The following CNNM2 variants were observed in gnomAD, a reference collection of about 807,000 sequenced individuals.
CNNM2 encodes cyclin and CBS domain divalent metal cation transport mediator 2, also known as metal transporter CNNM2.
CNNM2 carries 12 observed loss-of-function variants against 66.9 expected under a neutral mutation model. The observed-to-expected ratio is 0.18, with a 90% CI of 0.11 to 0.29. The LOEUF (loss-of-function observed/expected upper bound fraction) is 0.29. Among genes scored for constraint, CNNM2 ranks in the 10% least tolerant of loss-of-function variants. The probability of loss-of-function intolerance (pLI) is 1.00; values close to 1 mark genes in which losing one functional copy is unlikely to be tolerated. For missense variants in CNNM2, 705 were observed against 1,167.7 expected (o/e 0.60, Z 5.77); for synonymous variants, 557 against 501.8 (o/e 1.11, Z -1.47).
chr10:103,062,347 G>A (rs1430362479), intron 4 of CNNM2, among the ~76,000 whole-genome samples: 1 of 152,130 alleles, frequency 6.6e-6, no homozygotes, highest in Non-Finnish European at 1.5e-5. Context: ...TGATAGGAAG[G>A]AGAATTTAAG....
rs113554404 is a variant in CNNM2, at chr10:103,006,363, C to T, written c.1622-43344C>T. Among the ~76,000 whole-genome samples the T allele has an allele frequency of 0.095, 14,405 of 151,676 alleles. 886 individuals carry two copies. The highest frequency in any genetic ancestry group is 0.28 in the East Asian group (1,430 of 5,126). On this transcript the variant is annotated intron_variant, in intron 1 of 7. Transcript: ENST00000369878. ...CTGGGATTATAGGCACCTGCTGCCA[C>T]GCCCAGCTAATTTTTGTATTATTGG...
At chr10:102,928,448 G>T (rs375169005) in intron 1 of CNNM2, among the ~76,000 whole-genome samples, 13 of 152,094 alleles carry the variant, frequency 8.5e-5, no homozygotes, top group Admixed American at 2.6e-4. Context: ...CAGCTGTGGT[G>T]GTGGGCGCCT....
In CNNM2 at chr10:103,077,155, G is replaced by T. The variant is rs776439020; in HGVS notation, c.2603G>T (p.Ser868Ile). The T allele has an allele frequency of 1.9e-6, 3 of 1,613,572 alleles. No homozygotes were observed. Among genetic ancestry groups the T allele is most frequent in the Non-Finnish European group, 2.5e-6 (3 of 1,179,892 alleles). ...NCVTHSKANH[S>I]LHNEGAI ...GTGACGCACAGTAAGGCCAACCACA[G>T]CCTGCACAACGAAGGCGCCATCTAG... is the stretch of plus-strand genomic sequence containing the variant. The change falls in exon 8 of 8, where the codon AGC becomes ATC. Residue 868 changes from serine to isoleucine, a missense_variant. Physicochemically the swap from Ser to Ile is moderately radical, Grantham distance 142. Around this residue, in one of 9 missense-constraint regions of CNNM2, gnomAD observed 194 missense variants for 227.6 expected, o/e 0.85. Transcript: ENST00000369878.
chr10:103,038,364 T>C (rs1338438533), intron 1 of CNNM2, among the ~76,000 whole-genome samples: 2 of 152,226 alleles, frequency 1.3e-5, no homozygotes, highest in African/African-American at 2.4e-5. Context: ...GGCTGCTGCA[T>C]GCACTGTGCC....
chr10:103,041,409 A>C (rs2065038926), intron 1 of CNNM2, among the ~76,000 whole-genome samples: 1 of 152,198 alleles, frequency 6.6e-6, no homozygotes, highest in African/African-American at 2.4e-5. Context: ...TTGGAAATCT[A>C]ATGGTGTCAT....
At chr10:103,058,308 G>T (rs1349275236) in intron 4 of CNNM2, among the ~76,000 whole-genome samples, 1 of 152,042 alleles carries the variant, frequency 6.6e-6, no homozygotes, top group Non-Finnish European at 1.5e-5. Context: ...CTGCAGTGAG[G>T]GAATAAAACA....
chr10:102,933,325 C>T (rs1161121580), intron 1 of CNNM2, among the ~76,000 whole-genome samples: 1 of 152,176 alleles, frequency 6.6e-6, no homozygotes, highest in Non-Finnish European at 1.5e-5. Context: ...TTGTAGTTTT[C>T]AGTGTGCTTG....
At chr10:102,976,611 ATTT>A (rs66498944) in intron 1 of CNNM2, among the ~76,000 whole-genome samples, 49 of 59,436 alleles carry the variant, frequency 8.2e-4, no homozygotes, top group African/African-American at 2.8e-3. Flanking sequence ...CGCCCAGGTA[ATTT>A]TTTTTTTTTT....
At position 103,087,356 on chromosome 10, in the gene CNNM2, C is replaced by G. The variant is rs892705188; in HGVS notation, c.*10176C>G. ...CATTTTGCTCTGGGTCTTATGGAAT[C>G]CTAGAGCTCTTGAATACGTTTTGGT... is the stretch of plus-strand genomic sequence containing the variant. On this transcript the variant is annotated 3_prime_UTR_variant, in exon 8 of 8. Coordinates refer to ENST00000369878, the MANE Select transcript of CNNM2 (RefSeq NM_017649.5). 6.6e-6 allele frequency: 1 copy of G among 151,844 alleles called. No homozygotes were observed. Among genetic ancestry groups the G allele is most frequent in the African/African-American group, 2.4e-5 (1 of 41,300 alleles). 9.4% of individuals were successfully genotyped at this position (151,844 alleles called of 1,614,324 possible).
chr10:103,064,769 G>A (rs1189443056), intron 4 of CNNM2, among the ~76,000 whole-genome samples: 1 of 152,174 alleles, frequency 6.6e-6, no homozygotes, highest in Non-Finnish European at 1.5e-5. Context: ...GAGCTCAGGA[G>A]TTCAAGGCTG....
rs559377555 is a variant in CNNM2, at chr10:103,000,523, G to A, written c.1622-49184G>A. On this transcript the variant is annotated intron_variant, in intron 1 of 7. Transcript: ENST00000369878. The stretch of plus-strand genomic sequence containing the variant: ...GGATGGAGTGCAGTGGTGCAATCTC[G>A]GCTCACTACAGCCTCGGCCTCCTGG... Among the ~76,000 whole-genome samples, 10 of 151,762 alleles carry A rather than the reference G, an allele frequency of 6.6e-5. No homozygotes were observed. The South Asian group carries it at 1.0e-3, about 16-fold the overall frequency.
chr10:102,985,740 A>G (rs754480327), intron 1 of CNNM2, among the ~76,000 whole-genome samples: 2 of 152,202 alleles, frequency 1.3e-5, no homozygotes, highest in Non-Finnish European at 2.9e-5. Flanking sequence ...TTGATAGAAT[A>G]GCTGTCTTTT....
rs940999722 is a variant in CNNM2 at position 102,959,173 on chromosome 10, G to A, written c.1621+39072G>A. On this transcript the variant is annotated intron_variant, in intron 1 of 7. Transcript: ENST00000369878. ...TGGTCTCAAACTCCTGGGCTCAAGC[G>A]ATCACCCGCCTTAGTCTCCCAAAGT... is the stretch of plus-strand genomic sequence containing the variant. Among the ~76,000 whole-genome samples, 5 of 151,460 alleles carry A rather than the reference G, an allele frequency of 3.3e-5. No homozygotes were observed. The East Asian group carries it at 5.9e-4, about 18-fold the overall frequency.
Position 103,034,392 on chromosome 10 carries a change from C to T in CNNM2, c.1622-15315C>T, listed in dbSNP as rs147150101. 4.0e-4 allele frequency among the ~76,000 whole-genome samples: 61 copies of T among 151,818 alleles called. 1 individual carries two copies. The highest frequency in any genetic ancestry group is 3.4e-3 in the Middle Eastern group (1 of 294). Reference sequence around the variant, plus strand: ...TTCCCCTTCAAGCAGGTTTAAAAACCGACCTCATTCCTCTCCTTAAAACGC... The same window carrying T: ...TTCCCCTTCAAGCAGGTTTAAAAACTGACCTCATTCCTCTCCTTAAAACGC... On this transcript the variant is annotated intron_variant, in intron 1 of 7. Coordinates refer to ENST00000369878, the MANE Select transcript of CNNM2 (RefSeq NM_017649.5).
rs926981784 is a variant in CNNM2 at position 103,077,081 on chromosome 10, T to C, written c.2529T>C (p.His843=). The C allele has an allele frequency of 6.2e-7, 1 of 1,613,886 alleles. No homozygotes were observed. The highest frequency in any genetic ancestry group is 1.3e-5 in the African/African-American group (1 of 74,926). ...TCGAATTGACTCTTACGGAGCTGCA[T>C]GACGGGTTGCCAGACGAGACAGCCA... ...TKIELTLTEL[H]DGLPDETANL... The change falls in exon 8 of 8, where the codon CAT becomes CAC. Residue 843 remains histidine, a synonymous_variant. Transcript: ENST00000369878.
At chr10:102,933,244 A>G (rs1016352029) in intron 1 of CNNM2, among the ~76,000 whole-genome samples, 9 of 152,210 alleles carry the variant, frequency 5.9e-5, no homozygotes, top group Non-Finnish European at 1.3e-4. Flanking sequence ...TAACAGTACA[A>G]AGTCTTCCAT....
intron 1 of CNNM2, among the ~76,000 whole-genome samples, chr10:103,002,496 T>TTTTTTG (rs2064140390): frequency 6.6e-6 from 1 of 151,272 alleles, no homozygotes; most frequent in African/African-American, 2.4e-5. Context: ...TTTTTTTTTT[T>TTTTTTG]GAGACAGAGT....
chr10:102,995,670 A>T (rs1371754095), intron 1 of CNNM2, among the ~76,000 whole-genome samples: 2 of 146,908 alleles, frequency 1.4e-5, no homozygotes, highest in African/African-American at 5.1e-5. Context: ...CTTATTAAAA[A>T]TGTGTTACGT....
intron 1 of CNNM2, among the ~76,000 whole-genome samples, chr10:103,028,322 C>G (rs1333446226): frequency 6.6e-6 from 1 of 152,096 alleles, no homozygotes; most frequent in South Asian, 2.1e-4. Flanking sequence ...AAACACTTAT[C>G]TTTTTTTACT....
Sources: gnomAD v4.1 joint callset for allele counts (sites outside exome capture counted in the v4.1 genomes callset) on GRCh38, gnomAD v4.1.1 for gene constraint, gnomAD v4.1.1 regional missense constraint, MANE v1.5 for transcripts, NCBI Gene and HGNC (gene_info 2026-07-23, HGNC 2026-07-21) for gene names.